The following FAM227A variants were observed in gnomAD, a reference collection of about 807,000 sequenced individuals.
FAM227A encodes the protein family with sequence similarity 227 member A.
Under a neutral mutation model 74.7 loss-of-function variants are expected in FAM227A, and 80 were observed. The ratio of observed to expected loss-of-function variants is 1.07; its 90% confidence interval spans 0.89 to 1.29. The LOEUF (loss-of-function observed/expected upper bound fraction) is 1.29, where lower values mean the gene tolerates loss of function less well. Ranked by LOEUF, FAM227A falls within the 50% of genes most tolerant of loss-of-function variation. FAM227A has a pLI of 0.00. For missense variants in FAM227A, 654 were observed against 683.4 expected (o/e 0.96, Z 0.48); for synonymous variants, 237 against 241.8 (o/e 0.98, Z 0.19).
chr22:38,578,771 AAC>A lies in FAM227A; in HGVS notation c.*7352_*7353del, dbSNP rs2090682526. ...CGGGCAGGGCGGGAAAGGCAGAAGG[AAC>A]ACAGAGGCTTATTTGGGGAACTGCA... On this transcript the variant is annotated 3_prime_UTR_variant, in exon 17 of 17. Transcript: ENST00000535113. 1.3e-5 allele frequency: 2 copies of A among 152,232 alleles called. No homozygotes were observed. The highest frequency in any genetic ancestry group is 4.8e-5 in the African/African-American group (2 of 41,446). 9.4% of individuals were successfully genotyped at this position (152,232 alleles called of 1,614,324 possible). A position where few individuals can be genotyped will look rare whatever the true frequency, so the allele number is the denominator to read the frequency against.
At chr22:38,636,709 T>G (rs2092013887) in intron 5 of FAM227A, 112 bp from the exon 6 acceptor site, 1 of 940,046 alleles carries the variant, frequency 1.1e-6, no homozygotes, top group Non-Finnish European at 1.5e-6. Context: ...TATAGAATGT[T>G]GAGAAAATGA....
intron 16 of FAM227A, among the ~76,000 whole-genome samples, chr22:38,588,723 C>T: frequency 6.7e-6 from 1 of 149,230 alleles, no homozygotes. Context: ...GAGTTCGAGA[C>T]CATCCTGGCT....
At chr22:38,650,849 T>G (rs13054225) in intron 1 of FAM227A, among the ~76,000 whole-genome samples, 3,866 of 152,282 alleles carry the variant, frequency 0.025, 66 homozygotes, top group South Asian at 0.043. Context: ...AGGAACCCAT[T>G]ACTTCCATCT....
chr22:38,655,552 T>C (rs1462230783), intron 1 of FAM227A, among the ~76,000 whole-genome samples: 1 of 152,066 alleles, frequency 6.6e-6, no homozygotes, highest in Non-Finnish European at 1.5e-5. Context: ...ATGGAAGCAG[T>C]GCAAATTTAG....
intron 13 of FAM227A, among the ~76,000 whole-genome samples, chr22:38,603,528 G>A (rs888520303): frequency 6.6e-6 from 1 of 151,996 alleles, no homozygotes; most frequent in Non-Finnish European, 1.5e-5. Context: ...TGTGGTATGG[G>A]CACCCCTCTC....
chr22:38,650,191 C>T lies in FAM227A; in HGVS notation c.-23G>A. On this transcript the variant is annotated 5_prime_UTR_variant, in exon 2 of 17. Coordinates refer to ENST00000535113, the MANE Select transcript of FAM227A (RefSeq NM_001013647.2). ...CATTGTCCAATTTCTTGTAAATGGACAAACAAAAAGCTTCCACTTTTAAGA... is the reference window on the plus strand; with the variant it reads ...CATTGTCCAATTTCTTGTAAATGGATAAACAAAAAGCTTCCACTTTTAAGA... 1 of 1,549,304 alleles carries T rather than the reference C, an allele frequency of 6.5e-7. No homozygotes were observed. Among genetic ancestry groups the T allele is most frequent in the South Asian group, 1.2e-5 (1 of 83,590 alleles).
chr22:38,595,732 C>T (rs1359170970), intron 15 of FAM227A, among the ~76,000 whole-genome samples: 1 of 152,226 alleles, frequency 6.6e-6, no homozygotes, highest in African/African-American at 2.4e-5. Flanking sequence ...AGCAACCTGA[C>T]ATGATATGCC....
intron 13 of FAM227A, among the ~76,000 whole-genome samples, chr22:38,600,479 G>C (rs2091148718): frequency 6.6e-6 from 1 of 151,478 alleles, no homozygotes; most frequent in Non-Finnish European, 1.5e-5. Context: ...GATTACAGGG[G>C]CCCACCAGCC....
intron 2 of FAM227A, among the ~76,000 whole-genome samples, chr22:38,648,208 C>A (rs1314386358): frequency 6.7e-6 from 1 of 150,304 alleles, no homozygotes; most frequent in Non-Finnish European, 1.5e-5. Flanking sequence ...AGGGCCAGGG[C>A]AGTAAGATGC....
At chr22:38,647,020 G>C (rs985425166) in intron 2 of FAM227A, among the ~76,000 whole-genome samples, 1 of 151,818 alleles carries the variant, frequency 6.6e-6, no homozygotes, top group East Asian at 1.9e-4. Flanking sequence ...CGTGGTGGCG[G>C]GTGCCTGTAA....
At chr22:38,650,944 T>C (rs1432751628) in intron 1 of FAM227A, among the ~76,000 whole-genome samples, 2 of 152,156 alleles carry the variant, frequency 1.3e-5, no homozygotes, top group Non-Finnish European at 2.9e-5. Flanking sequence ...TAGAAGCTCA[T>C]ACATAACGGA....
chr22:38,633,022 G>C (rs2091942132), intron 6 of FAM227A, among the ~76,000 whole-genome samples: 1 of 152,194 alleles, frequency 6.6e-6, no homozygotes, highest in East Asian at 1.9e-4. Context: ...TCCCAGATGG[G>C]GCAAGGTGGG....
At chr22:38,614,336 ACTC>A (rs1308507149) in intron 11 of FAM227A, among the ~76,000 whole-genome samples, 1 of 152,092 alleles carries the variant, frequency 6.6e-6, no homozygotes, top group Non-Finnish European at 1.5e-5. Flanking sequence ...TGAACAAATG[ACTC>A]AGTCTCTAAT....
At position 38,638,821 on chromosome 22, in the gene FAM227A, G is replaced by A. The variant is rs1475320944; in HGVS notation, c.297C>T (p.Val99=). The part of the protein sequence containing the change: ...EKTRSSPEDK[V]KRQRKSQYSC... ...AATACTGAGATTTCCTTTGTCTCTTGACTGCAGAAAAATGGAGAAAGAGAT... is the reference window on the plus strand; with the variant it reads ...AATACTGAGATTTCCTTTGTCTCTTAACTGCAGAAAAATGGAGAAAGAGAT... Residue 99 remains valine, a splice_region_variant and synonymous_variant, in exon 5 of 17, where the codon GTC becomes GTT. Coordinates refer to ENST00000535113, the MANE Select transcript of FAM227A (RefSeq NM_001013647.2). 1 of 1,532,198 alleles carries A rather than the reference G, an allele frequency of 6.5e-7. No individual in the cohort carries two copies. Among genetic ancestry groups the A allele is most frequent in the East Asian group, 2.5e-5 (1 of 40,788 alleles). 94.9% of individuals were successfully genotyped at this position (1,532,198 alleles called of 1,614,324 possible).
At chr22:38,598,306 A>G (rs1036521756) in intron 14 of FAM227A, among the ~76,000 whole-genome samples, 15 of 152,188 alleles carry the variant, frequency 9.9e-5, no homozygotes, top group African/African-American at 3.4e-4. Context: ...TAAGTTTGGT[A>G]TAACTATCCA....
intron 2 of FAM227A, 167 bp downstream of exon 2, chr22:38,649,860 T>G (rs191776575): frequency 6.3e-6 from 4 of 638,802 alleles, no homozygotes; most frequent in African/African-American, 2.0e-5. Flanking sequence ...AGTGTGAAAC[T>G]CCATCTCAAA....
Position 38,590,086 on chromosome 22 carries a change from CACAAA to C in FAM227A, c.1638+1344_1638+1348del, listed in dbSNP as rs59529052. Among the ~76,000 whole-genome samples, 202 of 146,596 alleles carry C rather than the reference CACAAA, an allele frequency of 1.4e-3. No individual in the cohort carries two copies. The Middle Eastern group carries it at 0.014, about 10-fold the overall frequency. ...ACATGGTGAAACCTCATCTCTGCTA[CACAAA>C]ACAAAACAAAACAAAACAAAACAAA... is the stretch of plus-strand genomic sequence containing the variant. On this transcript the variant is annotated intron_variant, in intron 16 of 16. Transcript: ENST00000535113.
At chr22:38,613,367 T>C (rs370326893) in intron 11 of FAM227A, among the ~76,000 whole-genome samples, 2 of 74,316 alleles carry the variant, frequency 2.7e-5, no homozygotes, top group African/African-American at 1.2e-4. Flanking sequence ...ATATATCATA[T>C]ATAATATATA....
In FAM227A at chr22:38,628,316, C is replaced by T; in HGVS notation, c.648G>A (p.Leu216=). The T allele has an allele frequency of 6.4e-7, 1 of 1,551,438 alleles. No homozygotes were observed. Among genetic ancestry groups the T allele is most frequent in the Admixed American group, 2.0e-5 (1 of 50,994 alleles). The change falls in exon 8 of 17, where the codon CTG becomes CTA. Residue 216 remains leucine (L), a synonymous_variant. Coordinates refer to ENST00000535113, the MANE Select transcript of FAM227A (RefSeq NM_001013647.2). ...CATAGTGCTGGGCTATCCGGTCAAA[C>T]AGATTATTCTGGAGCTCCTTGTTTG... ...YQPNKELQNN[L]FDRIAQHYAL...
Sources: allele counts gnomAD v4.1 joint callset (sites outside exome capture counted in the v4.1 genomes callset), GRCh38; gene constraint gnomAD v4.1.1; transcripts MANE v1.5; gene names NCBI Gene and HGNC (gene_info 2026-07-23, HGNC 2026-07-21).